Variants in SHISA9 observed in about 807,000 individuals in gnomAD.
SHISA9 encodes the protein protein shisa-9.
In SHISA9, 13 loss-of-function variants were observed where a neutral mutation model predicts 38.0. The ratio of observed to expected loss-of-function variants is 0.34; its 90% CI spans 0.22 to 0.54. SHISA9 has a LOEUF of 0.54. SHISA9 is among the 20% of genes least tolerant of loss of function. The pLI, the probability that SHISA9 is intolerant of heterozygous loss-of-function variation, is 0.91. For missense variants in SHISA9, 538 were observed against 575.8 expected (o/e 0.93, Z 0.67); for synonymous variants, 275 against 242.0 (o/e 1.14, Z -1.27).
At chr16:13,544,796 C>T in the SHISA9 span, among the ~76,000 whole-genome samples, 3 of 151,860 alleles carry the variant, frequency 2.0e-5, no homozygotes, top group South Asian at 2.1e-4. Flanking sequence ...TACAAAAATT[C>T]GCTGGGCGTG....
the SHISA9 span, among the ~76,000 whole-genome samples, chr16:13,421,026 T>G: frequency 6.6e-6 from 1 of 152,156 alleles, no homozygotes; most frequent in African/African-American, 2.4e-5. Flanking sequence ...CCACATCATT[T>G]TCAATACTAA....
At chr16:13,198,410 A>G (rs1024276428) in intron 2 of SHISA9, among the ~76,000 whole-genome samples, 4 of 152,208 alleles carry the variant, frequency 2.6e-5, no homozygotes, top group African/African-American at 7.2e-5. Flanking sequence ...GTATGTACAT[A>G]TGCATACATA....
At chr16:13,481,199 T>A in the SHISA9 span, among the ~76,000 whole-genome samples, 1 of 152,210 alleles carries the variant, frequency 6.6e-6, no homozygotes, top group Non-Finnish European at 1.5e-5. Context: ...TTCCAATTTG[T>A]TTTTGGCCAG....
intron 2 of SHISA9, among the ~76,000 whole-genome samples, chr16:13,173,922 G>A (rs2050710208): frequency 6.6e-6 from 1 of 152,128 alleles, no homozygotes; most frequent in African/African-American, 2.4e-5. Flanking sequence ...TGACAAACTA[G>A]AAGAAGAAAT....
At chr16:12,907,696 G>C (rs759305455) in intron 1 of SHISA9, among the ~76,000 whole-genome samples, 8 of 152,284 alleles carry the variant, frequency 5.3e-5, no homozygotes, top group Non-Finnish European at 1.2e-4. Context: ...TCTATTATGC[G>C]TGGTGTTTTA....
At chr16:13,470,156 A>C in the SHISA9 span, among the ~76,000 whole-genome samples, 2 of 152,196 alleles carry the variant, frequency 1.3e-5, no homozygotes, top group Non-Finnish European at 2.9e-5. Context: ...TGCCTCTCAG[A>C]ATAGGAGATT....
At chr16:13,404,498 G>A in the SHISA9 span, among the ~76,000 whole-genome samples, 2 of 152,280 alleles carry the variant, frequency 1.3e-5, no homozygotes, top group South Asian at 2.1e-4. Flanking sequence ...CAGAGATACA[G>A]CACATGCAAA....
At chr16:13,355,402 A>G in the SHISA9 span, among the ~76,000 whole-genome samples, 34 of 151,784 alleles carry the variant, frequency 2.2e-4, no homozygotes, top group South Asian at 7.1e-3. Flanking sequence ...GGTATCTTAT[A>G]CTTGTGGGTT....
chr16:13,097,457 C>G (rs2073839468), intron 2 of SHISA9, among the ~76,000 whole-genome samples: 1 of 151,904 alleles, frequency 6.6e-6, no homozygotes, highest in Non-Finnish European at 1.5e-5. Context: ...TGCTTTGCCC[C>G]TCAGGCTGGA....
the SHISA9 span, among the ~76,000 whole-genome samples, chr16:13,547,525 C>G: frequency 6.6e-5 from 10 of 152,084 alleles, no homozygotes; most frequent in African/African-American, 2.4e-4. Context: ...TATACAATGG[C>G]AGAAGATGTA....
intron 2 of SHISA9, among the ~76,000 whole-genome samples, chr16:13,188,422 G>A (rs2142038428): frequency 6.6e-6 from 1 of 152,256 alleles, no homozygotes; most frequent in Admixed American, 6.5e-5. Context: ...CCTGACCTCA[G>A]AAAGGTGTGG....
chr16:13,039,691 TGAG>T (rs1425805735), intron 2 of SHISA9, among the ~76,000 whole-genome samples: 1 of 152,136 alleles, frequency 6.6e-6, no homozygotes, highest in Non-Finnish European at 1.5e-5. Flanking sequence ...CCTCTCCAAA[TGAG>T]GAGTAGTTGG....
At chr16:13,167,135 C>T (rs549192599) in intron 2 of SHISA9, among the ~76,000 whole-genome samples, 5 of 136,674 alleles carry the variant, frequency 3.7e-5, no homozygotes, top group African/African-American at 1.4e-4. Flanking sequence ...TGCAATGGGG[C>T]GATCTCAGCT....
chr16:13,391,520 CA>C, the SHISA9 span, among the ~76,000 whole-genome samples: 56 of 152,334 alleles, frequency 3.7e-4, no homozygotes, highest in Non-Finnish European at 5.3e-4. Flanking sequence ...GTGCCATCTG[CA>C]GTCAATATGC....
At chr16:13,045,959 G>T (rs373521895) in intron 2 of SHISA9, among the ~76,000 whole-genome samples, 97 of 152,322 alleles carry the variant, frequency 6.4e-4, no homozygotes, top group African/African-American at 2.3e-3. Context: ...GTCAATGTTT[G>T]TTTAAATTTG....
the SHISA9 span, among the ~76,000 whole-genome samples, chr16:13,473,713 T>C: frequency 3.9e-5 from 6 of 152,150 alleles, no homozygotes; most frequent in Non-Finnish European, 8.8e-5. Flanking sequence ...ATAAAACTCT[T>C]ATATTGTTCA....
intron 2 of SHISA9, among the ~76,000 whole-genome samples, chr16:12,925,384 A>G (rs187710991): frequency 6.6e-6 from 1 of 151,748 alleles, no homozygotes; most frequent in Non-Finnish European, 1.5e-5. Flanking sequence ...CAGGTCAGTA[A>G]GAATCTGTAT....
At chr16:12,910,549 C>T in intron 1 of SHISA9, 1 of 985,428 alleles carries the variant, frequency 1.0e-6, no homozygotes, top group Non-Finnish European at 1.2e-6. Flanking sequence ...GGTTCTAGTA[C>T]TAGCTTTCAG....
At chr16:12,920,357 C>T (rs2071312222) in intron 2 of SHISA9, among the ~76,000 whole-genome samples, 1 of 144,752 alleles carries the variant, frequency 6.9e-6, no homozygotes, top group Non-Finnish European at 1.6e-5. Flanking sequence ...TTTCTGAGTA[C>T]TTTTAAAAAT....
Sources: allele counts gnomAD v4.1 joint callset (sites outside exome capture counted in the v4.1 genomes callset), GRCh38; gene constraint gnomAD v4.1.1; transcripts MANE v1.5; gene names NCBI Gene and HGNC (gene_info 2026-07-23, HGNC 2026-07-21).